RGS18: variants seen among roughly 807,000 people sequenced by gnomAD.
RGS18 encodes the protein regulator of G-protein signaling 18.
In RGS18, 22 loss-of-function variants were observed where a neutral mutation model predicts 27.6. The ratio of observed to expected loss-of-function variants is 0.80; its 90% CI spans 0.57 to 1.14. The LOEUF (loss-of-function observed/expected upper bound fraction) is 1.14. Ranked by LOEUF, RGS18 falls within the 50% of genes most tolerant of loss-of-function variation. The pLI is 0.00. For synonymous variants in RGS18, 89 were observed against 84.6 expected, an observed-to-expected ratio of 1.05 and a Z score of -0.29; for missense variants, 299 against 269.6, an observed-to-expected ratio of 1.11 and a Z score of -0.76.
chr1:192,158,739 C>A lies in RGS18; in HGVS notation c.102C>A (p.Ser34Arg). The change falls in exon 1 of 5, where the codon AGC becomes AGA. Residue 34 changes from serine (S) to arginine (R), a missense_variant. Physicochemically the swap from Ser to Arg is moderately radical, Grantham distance 110. Coordinates refer to ENST00000367460, the MANE Select transcript of RGS18 (RefSeq NM_130782.3). ...LIHGSGKEET[S>R]KEAKIRAKEK... ...ATGGTTCAGGAAAAGAAGAAACAAG[C>A]AAAGAAGCCAAAATCAGGTAAAATT... 1.9e-6 allele frequency: 3 copies of A among 1,563,360 alleles called. No individual in the cohort carries two copies. The highest frequency in any genetic ancestry group is 1.7e-6 in the Non-Finnish European group (2 of 1,157,756).
chr1:192,164,555 G>T (rs1388646937), intron 3 of RGS18, among the ~76,000 whole-genome samples: 1 of 151,982 alleles, frequency 6.6e-6, no homozygotes, highest in African/African-American at 2.4e-5. Context: ...TTATGCATCA[G>T]TGTTGTTTCA....
chr1:192,160,437 G>C lies in RGS18; in HGVS notation c.281G>C (p.Arg94Thr), dbSNP rs200627509. ...GESFDKLLSH[R>T]DGLEAFTRFL... ...TCATTTGACAAACTGCTTTCCCATAGAGGTTAGTGGTACTTTCACCAAATA... is the reference window on the plus strand; with the variant it reads ...TCATTTGACAAACTGCTTTCCCATACAGGTTAGTGGTACTTTCACCAAATA... The change falls in exon 3 of 5, where the codon AGA becomes ACA. Residue 94 changes from arginine (R) to threonine (T), a missense_variant and splice_region_variant. By Grantham distance (71) the Arg-to-Thr change is moderately conservative (BLOSUM62 -1). Coordinates refer to ENST00000367460, the MANE Select transcript of RGS18 (RefSeq NM_130782.3). 7 of 1,605,754 alleles carry C rather than the reference G, an allele frequency of 4.4e-6. No individual in the cohort carries two copies. Among genetic ancestry groups the C allele is most frequent in the Non-Finnish European group, 6.0e-6 (7 of 1,172,600 alleles).
chr1:192,172,884 A>AATATAAAT (rs1553229389), intron 3 of RGS18, among the ~76,000 whole-genome samples: 4 of 97,510 alleles, frequency 4.1e-5, no homozygotes, highest in Non-Finnish European at 4.6e-5. Context: ...TATATATATA[A>AATATAAAT]ATATATATAT....
rs1327346545 is a variant in RGS18, at chr1:192,159,314, G to C, written c.214G>C (p.Glu72Gln). The C allele has an allele frequency of 1.2e-6, 2 of 1,605,096 alleles. No individual in the cohort carries two copies. The highest frequency in any genetic ancestry group is 1.7e-6 in the Non-Finnish European group (2 of 1,172,302). The change falls in exon 2 of 5, where the codon GAA becomes CAA. Residue 72 changes from glutamate to glutamine, a missense_variant. Physicochemically the swap from Glu to Gln is conservative, Grantham distance 29 (BLOSUM62 2). Transcript: ENST00000367460. ...RSSRSGHLAK[E>Q]TRVSPEEAVK... ...CAGTAGATCTGGGCACTTGGCCAAA[G>C]AAACAAGGTGAATAAATTTTCAGTA...
rs550949474 is a variant in RGS18 at position 192,163,021 on chromosome 1, C to G, written c.283+2582C>G. On this transcript the variant is annotated intron_variant, in intron 3 of 4. Coordinates refer to ENST00000367460, the MANE Select transcript of RGS18 (RefSeq NM_130782.3). ...GTTAGTCCAGAGTTCCAGTGAAATTCGAGTTTTAGTTTTCTCCTAAAACAT... is the reference window on the plus strand; with the variant it reads ...GTTAGTCCAGAGTTCCAGTGAAATTGGAGTTTTAGTTTTCTCCTAAAACAT... Among the ~76,000 whole-genome samples, 5 of 152,130 alleles carry G rather than the reference C, an allele frequency of 3.3e-5. No individual in the cohort carries two copies. The East Asian group carries it at 7.7e-4, about 23-fold the overall frequency.
At chr1:192,170,922 C>T (rs543108725) in intron 3 of RGS18, among the ~76,000 whole-genome samples, 21 of 152,150 alleles carry the variant, frequency 1.4e-4, no homozygotes, top group Middle Eastern at 3.4e-3. Context: ...TTATACAAGT[C>T]CAAGTTCTCA....
intron 3 of RGS18, among the ~76,000 whole-genome samples, chr1:192,173,592 G>T (rs1411486990): frequency 6.6e-6 from 1 of 151,796 alleles, no homozygotes; most frequent in African/African-American, 2.4e-5. Flanking sequence ...TGGGCGGAGA[G>T]AAATGTTTTA....
At chr1:192,179,787 T>A (rs1355518974) in intron 3 of RGS18, among the ~76,000 whole-genome samples, 2 of 151,590 alleles carry the variant, frequency 1.3e-5, no homozygotes, top group Non-Finnish European at 3.0e-5. Context: ...GATTAGTGGT[T>A]CCCTGGAGTT....
chr1:192,158,881 GA>G (rs111972442), intron 1 of RGS18, 125 bp downstream of exon 1: 12,241 of 660,952 alleles, frequency 0.019, 172 homozygotes, highest in South Asian at 0.024. Flanking sequence ...TATAATTTGG[GA>G]AAAAAAAACA....
intron 3 of RGS18, 22 bp downstream of exon 3, chr1:192,160,461 T>A: frequency 6.4e-7 from 1 of 1,562,404 alleles, no homozygotes; most frequent in Non-Finnish European, 8.8e-7. Flanking sequence ...TTTCACCAAA[T>A]ACTTTGTGTG....
chr1:192,176,758 G>A (rs1056892589), intron 3 of RGS18, among the ~76,000 whole-genome samples: 4 of 151,636 alleles, frequency 2.6e-5, no homozygotes, highest in Admixed American at 6.6e-5. Context: ...TCAGTGGGGA[G>A]TTCAGGATGC....
At chr1:192,158,977 G>A (rs1442700136) in intron 1 of RGS18, among the ~76,000 whole-genome samples, 1 of 151,946 alleles carries the variant, frequency 6.6e-6, no homozygotes, top group Non-Finnish European at 1.5e-5. Flanking sequence ...TAGCCACATA[G>A]AGGAACTAGT....
At chr1:192,178,903 T>C (rs1656402027) in intron 3 of RGS18, among the ~76,000 whole-genome samples, 1 of 151,552 alleles carries the variant, frequency 6.6e-6, no homozygotes, top group South Asian at 2.1e-4. Flanking sequence ...TGTCTACAGG[T>C]ATTAACAATA....
chr1:192,167,350 C>T (rs1571387531), intron 3 of RGS18, among the ~76,000 whole-genome samples: 1 of 151,958 alleles, frequency 6.6e-6, no homozygotes, highest in Non-Finnish European at 1.5e-5. Context: ...CAATTTTCTG[C>T]AAGATAAAGA....
chr1:192,165,175 C>A (rs148746361), intron 3 of RGS18, among the ~76,000 whole-genome samples: 2 of 152,074 alleles, frequency 1.3e-5, no homozygotes, highest in Admixed American at 6.5e-5. Flanking sequence ...CTGCTTTATG[C>A]CGTTGTAGGT....
intron 3 of RGS18, among the ~76,000 whole-genome samples, chr1:192,176,932 G>A (rs990867059): frequency 5.3e-5 from 8 of 151,726 alleles, no homozygotes; most frequent in Admixed American, 1.3e-4. Context: ...AGCTTCACAC[G>A]TTCTCAAAAT....
intron 3 of RGS18, among the ~76,000 whole-genome samples, chr1:192,171,398 G>T (rs532313280): frequency 7.2e-5 from 11 of 152,066 alleles, no homozygotes; most frequent in Non-Finnish European, 1.5e-4. Flanking sequence ...TTTCAGGACT[G>T]CAGACAAGTT....
rs1232767865 is a variant in RGS18 at position 192,184,406 on chromosome 1, A to G, written c.560A>G (p.Asp187Gly). Residue 187 changes from aspartate to glycine, a missense_variant, in exon 5 of 5, where the codon GAC (aspartate) becomes GGC (glycine). Transcript: ENST00000367460. ...AGAGTGTATCAGCTCATGGAACAAG[A>G]CAGTTATACACGTTTTCTGAAATCT... is the stretch of plus-strand genomic sequence containing the variant. ...QSRVYQLMEQ[D>G]SYTRFLKSDI... 1 of 1,611,914 alleles carries G rather than the reference A, an allele frequency of 6.2e-7. No homozygotes were observed. Among genetic ancestry groups the G allele is most frequent in the Middle Eastern group, 1.7e-4 (1 of 6,048 alleles).
intron 3 of RGS18, among the ~76,000 whole-genome samples, chr1:192,170,338 G>A (rs554265144): frequency 1.7e-4 from 26 of 152,018 alleles, no homozygotes; most frequent in Non-Finnish European, 2.5e-4. Context: ...TACTGTCTTC[G>A]CAGTAATAAG....
Sources: allele counts gnomAD v4.1 joint callset (sites outside exome capture counted in the v4.1 genomes callset), GRCh38; gene constraint gnomAD v4.1.1; transcripts MANE v1.5; gene names NCBI Gene and HGNC (gene_info 2026-07-23, HGNC 2026-07-21).